Variants in CENPE observed in about 807,000 individuals in gnomAD.
CENPE encodes the protein centromere-associated protein E.
A neutral mutation model predicts 336.1 loss-of-function variants in CENPE; 145 were observed. The observed-to-expected ratio is 0.43, with a 90% CI of 0.38 to 0.50. CENPE has a LOEUF of 0.50. Ranked by LOEUF, CENPE falls within the 20% of genes least tolerant of loss-of-function variation. The pLI, the probability that CENPE is intolerant of heterozygous loss-of-function variation, is 0.00. For synonymous variants in CENPE, 1,013 were observed against 984.8 expected (o/e 1.03, Z -0.54); for missense variants, 2,719 against 3,023.3 (o/e 0.90, Z 2.36).
intron 21 of CENPE, among the ~76,000 whole-genome samples, chr4:103,159,611 T>A (rs1165933754): frequency 6.6e-6 from 1 of 151,892 alleles, no homozygotes; most frequent in Non-Finnish European, 1.5e-5. Context: ...TCCTTACCTA[T>A]CATTTTAAAG....
In CENPE at chr4:103,158,664, G is replaced by T. The variant is rs1754161541; in HGVS notation, c.2824C>A (p.Gln942Lys). The change falls in exon 23 of 49, where the codon CAA (glutamine) becomes AAA (lysine). Residue 942 changes from glutamine (Q) to lysine (K), a missense_variant. By Grantham distance (53) the Gln-to-Lys change is moderately conservative (BLOSUM62 1). Coordinates refer to ENST00000265148, the MANE Select transcript of CENPE (RefSeq NM_001813.3). ...DDLKQLQESL[Q>K]IERDQLKSDI... ...CTTTTGAGTTGGTCCCTCTCAATTT[G>T]CAAGCTTTCTTGGAGTTGTTTTAGA... is the stretch of plus-strand genomic sequence containing the variant. The T allele has an allele frequency of 6.2e-7, 1 of 1,610,580 alleles. No individual in the cohort carries two copies. The highest frequency in any genetic ancestry group is 8.5e-7 in the Non-Finnish European group (1 of 1,178,862).
At chr4:103,177,143 G>GT in intron 13 of CENPE, 97 bp from the exon 14 acceptor site, 1 of 990,518 alleles carries the variant, frequency 1.0e-6, no homozygotes, top group Non-Finnish European at 1.5e-6. Context: ...CATTGACTTG[G>GT]TAGAATTCTT....
Position 103,181,339 on chromosome 4 carries a change from C to A in CENPE, c.1081G>T (p.Glu361Ter). The A allele has an allele frequency of 6.6e-7, 1 of 1,524,446 alleles. No individual in the cohort carries two copies. The highest frequency in any genetic ancestry group is 8.9e-7 in the Non-Finnish European group (1 of 1,124,876). 94.4% of individuals were successfully genotyped at this position (1,524,446 alleles called of 1,614,324 possible). Residue 361 changes from glutamate to a stop codon, truncating the protein, a stop_gained and splice_region_variant, in exon 12 of 49, where the codon GAG becomes TAG. Transcript: ENST00000265148. LOFTEE classifies it high-confidence loss of function. ...TGAAATAAATGATTCATACATACCT[C>A]CTCTAATTGTTTTTTAAGATCCATT... is the stretch of plus-strand genomic sequence containing the variant. The part of the protein sequence containing the change: ...EIMDLKKQLE[E>*]VSLETRAQAM...
Position 103,133,709 on chromosome 4 carries a change from C to G in CENPE, c.6706G>C (p.Asp2236His). 1.3e-6 allele frequency: 2 copies of G among 1,579,980 alleles called. No individual in the cohort carries two copies. Among genetic ancestry groups the G allele is most frequent in the Non-Finnish European group, 1.7e-6 (2 of 1,152,932 alleles). Residue 2236 changes from aspartate to histidine, a missense_variant, in exon 41 of 49, where the codon GAT (aspartate) becomes CAT (histidine). Physicochemically the swap from Asp to His is moderately conservative, Grantham distance 81. Around this residue, in one of 5 missense-constraint regions of CENPE, gnomAD observed 2,437 missense variants for 2,513.3 expected, o/e 0.97. Coordinates refer to ENST00000265148, the MANE Select transcript of CENPE (RefSeq NM_001813.3). ...ATAAATTATACCTCAATATGTAGATCCATATTCTGGTTCAATTTGAGATCC... is the reference window on the plus strand; with the variant it reads ...ATAAATTATACCTCAATATGTAGATGCATATTCTGGTTCAATTTGAGATCC... ...LRDLKLNQNM[D>H]LHIEEILKDF... is the part of the protein sequence containing the mutation.
intron 33 of CENPE, 27 bp from the exon 34 acceptor site, chr4:103,143,433 T>C: frequency 1.4e-6 from 2 of 1,441,826 alleles, no homozygotes; most frequent in Non-Finnish European, 1.9e-6. Flanking sequence ...ATAAAAATAA[T>C]ACATTGAGAG....
chr4:103,136,366 G>T lies in CENPE; in HGVS notation c.6304-7C>A, dbSNP rs753598441. The T allele has an allele frequency of 1.9e-6, 3 of 1,580,346 alleles. No homozygotes were observed. The highest frequency in any genetic ancestry group is 1.7e-6 in the Non-Finnish European group (2 of 1,157,290). On this transcript the variant is annotated splice_polypyrimidine_tract_variant and splice_region_variant and intron_variant, in intron 39 of 48. Coordinates refer to ENST00000265148, the MANE Select transcript of CENPE (RefSeq NM_001813.3). The stretch of plus-strand genomic sequence containing the variant: ...AGTATCTCTTCAAAAGCTCCTAAAG[G>T]AAATGAGAATTCACTCAATTTATAA...
At chr4:103,119,446 C>A (rs1010022151) in intron 44 of CENPE, among the ~76,000 whole-genome samples, 2 of 152,160 alleles carry the variant, frequency 1.3e-5, no homozygotes, top group Admixed American at 6.5e-5. Context: ...GTTGAAAAAA[C>A]AAATTTAATT....
intron 42 of CENPE, among the ~76,000 whole-genome samples, chr4:103,126,661 T>C (rs1751130965): frequency 6.6e-6 from 1 of 152,186 alleles, no homozygotes; most frequent in African/African-American, 2.4e-5. Context: ...TGGATTAATA[T>C]GCTAGGGGCC....
At chr4:103,116,451 T>TA in intron 45 of CENPE, 126 bp downstream of exon 45, 2 of 518,270 alleles carry the variant, frequency 3.9e-6, no homozygotes, top group East Asian at 3.4e-5. Context: ...TGTACATTTT[T>TA]AAAAAAAGAG....
chr4:103,147,465 T>A lies in CENPE; in HGVS notation c.4025A>T (p.Glu1342Val). The A allele has an allele frequency of 6.2e-7, 1 of 1,614,104 alleles. No homozygotes were observed. Among genetic ancestry groups the A allele is most frequent in the Non-Finnish European group, 8.5e-7 (1 of 1,179,996 alleles). ...TTCCTTGGTTAGAGATTTTATCTCT[T>A]CCTGACTTTCTTGAAATTTTTCATT... ...RLNEKFQESQ[E>V]EIKSLTKERD... is the part of the protein sequence containing the mutation. Residue 1342 changes from glutamate (E) to valine (V), a missense_variant, in exon 29 of 49, where the codon GAA becomes GTA. Around this residue, in one of 5 missense-constraint regions of CENPE, gnomAD observed 2,437 missense variants for 2,513.3 expected, o/e 0.97. Transcript: ENST00000265148.
Position 103,180,566 on chromosome 4 carries a change from G to A in CENPE, c.1084-97C>T, listed in dbSNP as rs12504143. The A allele has an allele frequency of 0.16, 120,827 of 734,270 alleles. 10,792 individuals carry two copies. The highest frequency in any genetic ancestry group is 0.28 in the South Asian group (9,092 of 32,762). 45.5% of individuals were successfully genotyped at this position (734,270 alleles called of 1,614,324 possible). ...AGAATAAAATATTAAATTTGTATATGAACTATAAGAATTTTAATTTCACTG... is the reference window on the plus strand; with the variant it reads ...AGAATAAAATATTAAATTTGTATATAAACTATAAGAATTTTAATTTCACTG... On this transcript the variant is annotated intron_variant, in intron 12 of 48. Coordinates refer to ENST00000265148, the MANE Select transcript of CENPE (RefSeq NM_001813.3).
intron 42 of CENPE, among the ~76,000 whole-genome samples, chr4:103,124,591 C>T (rs1397546918): frequency 6.6e-6 from 1 of 152,200 alleles, no homozygotes; most frequent in African/African-American, 2.4e-5. Flanking sequence ...AAATAACTCA[C>T]TGATTGTTGG....
chr4:103,170,285 AAAC>A (rs561063402), intron 16 of CENPE, among the ~76,000 whole-genome samples: 9 of 152,032 alleles, frequency 5.9e-5, no homozygotes, highest in Non-Finnish European at 1.3e-4. Context: ...AAGTATAATT[AAAC>A]AACAACAACA....
At chr4:103,116,715 A>G in intron 44 of CENPE, 26 bp from the exon 45 acceptor site, 1 of 1,262,380 alleles carries the variant, frequency 7.9e-7, no homozygotes, top group Non-Finnish European at 1.1e-6. Context: ...AGAAAATAAA[A>G]ATAATTATTA....
At position 103,191,664 on chromosome 4, in the gene CENPE, G is replaced by GA. The variant is rs1553939884; in HGVS notation, c.693+2564_693+2565insT. Among the ~76,000 whole-genome samples, 7 of 145,556 alleles carry GA rather than the reference G, an allele frequency of 4.8e-5. No individual in the cohort carries two copies. In the East Asian group the frequency reaches 1.5e-3, roughly 30 times the overall value. ...GGCCTGTTGTGGGGTGGGGGGAGGG[G>GA]GGGATAGCATTAGGAGATATACCTA... On this transcript the variant is annotated intron_variant, in intron 8 of 48. Coordinates refer to ENST00000265148, the MANE Select transcript of CENPE (RefSeq NM_001813.3).
intron 9 of CENPE, among the ~76,000 whole-genome samples, chr4:103,185,497 C>T (rs1174879130): frequency 6.6e-6 from 1 of 151,812 alleles, no homozygotes; most frequent in Non-Finnish European, 1.5e-5. Flanking sequence ...ACCACATTAT[C>T]TTTCTTAATT....
At chr4:103,129,354 G>A (rs557072730) in intron 42 of CENPE, among the ~76,000 whole-genome samples, 1 of 152,182 alleles carries the variant, frequency 6.6e-6, no homozygotes, top group South Asian at 2.1e-4. Context: ...GATAGAAACG[G>A]AAACTCATTC....
chr4:103,196,188 G>A lies in CENPE; in HGVS notation c.213C>T (p.Ile71=), dbSNP rs139688608. 267 of 1,613,686 alleles carry A rather than the reference G, an allele frequency of 1.7e-4. 1 individual carries two copies. The highest frequency in any genetic ancestry group is 8.2e-4 in the Admixed American group (49 of 60,014). The change falls in exon 3 of 49, where the codon ATC becomes ATT. Residue 71 remains isoleucine (I), a synonymous_variant. Coordinates refer to ENST00000265148, the MANE Select transcript of CENPE (RefSeq NM_001813.3). ...NVYEEIAAPI[I]DSAIQGYNGT... ...CATTGTAGCCTTGTATGGCAGAATC[G>A]ATGATTGGTGCTGCTATTTCTTCAT...
intron 43 of CENPE, among the ~76,000 whole-genome samples, chr4:103,122,467 T>C (rs574485891): frequency 2.0e-5 from 3 of 152,322 alleles, no homozygotes; most frequent in African/African-American, 7.2e-5. Context: ...CATTAAGCAA[T>C]ATTAAATACG....
Sources: allele counts gnomAD v4.1 joint callset (sites outside exome capture counted in the v4.1 genomes callset), GRCh38; gene constraint gnomAD v4.1.1; regional missense constraint gnomAD v4.1.1; transcripts MANE v1.5; gene names NCBI Gene and HGNC (gene_info 2026-07-23, HGNC 2026-07-21).